The following TRHDE variants were observed in gnomAD, a reference collection of about 807,000 sequenced individuals.
The protein encoded by TRHDE is thyrotropin-releasing hormone-degrading ectoenzyme.
A neutral mutation model predicts 125.7 loss-of-function variants in TRHDE; 72 were observed. That is an observed-to-expected ratio of 0.57 (90% CI 0.47 to 0.70). The LOEUF is 0.70. Among genes scored for constraint, TRHDE ranks in the 30% least tolerant of loss-of-function variants. The pLI is 0.00. For synonymous variants in TRHDE, 509 were observed against 509.1 expected, an observed-to-expected ratio of 1.00 and a Z score of 0.00; for missense variants, 1,110 against 1,327.1, an observed-to-expected ratio of 0.84 and a Z score of 2.54.
chr12:72,604,718 T>G (rs1872359076), intron 12 of TRHDE, among the ~76,000 whole-genome samples: 2 of 152,104 alleles, frequency 1.3e-5, no homozygotes, highest in Non-Finnish European at 2.9e-5. Context: ...ACTAGCACTT[T>G]TCTGCTGTTA....
At chr12:72,132,228 CTG>C (rs1281792282) in intron 2 of TRHDE, among the ~76,000 whole-genome samples, 2 of 152,078 alleles carry the variant, frequency 1.3e-5, no homozygotes, top group African/African-American at 4.8e-5. Flanking sequence ...CTGCTGGAGA[CTG>C]TGAGGCTAGC....
intron 5 of TRHDE, among the ~76,000 whole-genome samples, chr12:72,496,988 A>G (rs975099059): frequency 3.3e-5 from 5 of 151,946 alleles, no homozygotes; most frequent in African/African-American, 1.2e-4. Context: ...TTCCTCCTCA[A>G]TTTAAGGTAT....
intron 12 of TRHDE, among the ~76,000 whole-genome samples, chr12:72,576,353 T>C (rs1870994474): frequency 6.6e-6 from 1 of 152,162 alleles, no homozygotes; most frequent in Admixed American, 6.6e-5. Flanking sequence ...GTAGTGCTGA[T>C]ATTAACACAT....
Position 72,272,382 on chromosome 12 carries a change from G to A in TRHDE, c.-262G>A. On this transcript the variant is annotated 5_prime_UTR_variant, in exon 1 of 19. Transcript: ENST00000261180. The surrounding 1 kb of genome is among the most constrained non-coding windows in gnomAD (Gnocchi z 6.7). ...CGGGTGCTCGTCCGAGAAGTAGCGC[G>A]CGCTGGGCAAGCAAGACGCTTTCCA... 2.6e-6 allele frequency: 1 copy of A among 383,550 alleles called. No homozygotes were observed. The highest frequency in any genetic ancestry group is 5.0e-6 in the Non-Finnish European group (1 of 198,924). 23.8% of individuals were successfully genotyped at this position (383,550 alleles called of 1,614,324 possible). A position where few individuals can be genotyped will look rare whatever the true frequency, so the allele number is the denominator to read the frequency against.
rs74103304 is a variant in TRHDE, at chr12:72,399,852, A to G, written c.1315+21731A>G. ...AATGATAAATGACTGACAGATTTCTAGATTCTTTATTGCCTCTGTATCTCA... is the reference window on the plus strand; with the variant it reads ...AATGATAAATGACTGACAGATTTCTGGATTCTTTATTGCCTCTGTATCTCA... On this transcript the variant is annotated intron_variant, in intron 3 of 18. Coordinates refer to ENST00000261180, the MANE Select transcript of TRHDE (RefSeq NM_013381.3). 8.1e-3 allele frequency among the ~76,000 whole-genome samples: 1,231 copies of G among 152,274 alleles called. 22 individuals carry two copies. The highest frequency in any genetic ancestry group is 0.028 in the African/African-American group (1,158 of 41,574).
chr12:72,436,409 G>T (rs1038800397), intron 3 of TRHDE, among the ~76,000 whole-genome samples: 3 of 151,810 alleles, frequency 2.0e-5, no homozygotes, highest in African/African-American at 7.2e-5. Context: ...TTTTTAGACT[G>T]ATTTGATTAT....
intron 6 of TRHDE, among the ~76,000 whole-genome samples, chr12:72,518,678 T>A (rs1216834173): frequency 6.6e-6 from 1 of 152,074 alleles, no homozygotes; most frequent in Non-Finnish European, 1.5e-5. Flanking sequence ...GTGAATTTGA[T>A]CCTGTCATTA....
chr12:72,435,855 A>T (rs1212653589), intron 3 of TRHDE, among the ~76,000 whole-genome samples: 1 of 152,036 alleles, frequency 6.6e-6, no homozygotes, highest in Admixed American at 6.6e-5. Flanking sequence ...GTTCCCAAGG[A>T]CATAATTATG....
intron 3 of TRHDE, among the ~76,000 whole-genome samples, chr12:72,433,621 A>G (rs1874597779): frequency 6.6e-6 from 1 of 152,180 alleles, no homozygotes; most frequent in African/African-American, 2.4e-5. Context: ...TATATCCAGA[A>G]TGGCAGCATG....
chr12:72,640,635 T>C (rs1287981539), intron 15 of TRHDE, among the ~76,000 whole-genome samples: 1 of 152,068 alleles, frequency 6.6e-6, no homozygotes, highest in Non-Finnish European at 1.5e-5. Flanking sequence ...GAGTTCGATC[T>C]AAGTCTTAAA....
chr12:72,502,122 G>T (rs1311903499), intron 6 of TRHDE, among the ~76,000 whole-genome samples: 3 of 151,848 alleles, frequency 2.0e-5, no homozygotes, highest in Admixed American at 1.3e-4. Flanking sequence ...AGCATCCTTT[G>T]TTGTAATTGA....
At chr12:72,519,944 A>T (rs565956080) in intron 6 of TRHDE, among the ~76,000 whole-genome samples, 11 of 152,160 alleles carry the variant, frequency 7.2e-5, no homozygotes, top group African/African-American at 2.4e-4. Flanking sequence ...CCTCCCAGTG[A>T]GGCTGTTTGG....
chr12:72,630,472 G>T (rs1170567475), intron 15 of TRHDE, among the ~76,000 whole-genome samples: 2 of 151,692 alleles, frequency 1.3e-5, no homozygotes, highest in Non-Finnish European at 2.9e-5. Flanking sequence ...TCTGCTCTCA[G>T]ACCAGCGAGA....
At chr12:72,176,315 G>A (rs556110453) in intron 2 of TRHDE, among the ~76,000 whole-genome samples, 6 of 152,268 alleles carry the variant, frequency 3.9e-5, no homozygotes, top group African/African-American at 1.2e-4. Context: ...AGGTTGCAGC[G>A]AGCCAAGATC....
At chr12:72,187,506 T>TGGTGGGGGAGGA (rs1233283631) in intron 2 of TRHDE, among the ~76,000 whole-genome samples, 1 of 132,296 alleles carries the variant, frequency 7.6e-6, no homozygotes, top group Admixed American at 7.4e-5. Context: ...GTGGTGGTGG[T>TGGTGGGGGAGGA]GGAGGAGGAG....
intron 6 of TRHDE, among the ~76,000 whole-genome samples, chr12:72,521,740 A>G (rs1868256050): frequency 6.6e-6 from 1 of 152,218 alleles, no homozygotes; most frequent in South Asian, 2.1e-4. Context: ...TTTTAAGATG[A>G]AATGTGCAAA....
chr12:72,255,633 G>A (rs987300586), intron 2 of TRHDE: 5 of 152,254 alleles, frequency 3.3e-5, no homozygotes, highest in Admixed American at 2.0e-4. Flanking sequence ...AACAATCCCC[G>A]GGCTGTTCCG....
intron 1 of TRHDE, among the ~76,000 whole-genome samples, chr12:72,094,872 A>C (rs1435492526): frequency 1.3e-5 from 2 of 152,176 alleles, no homozygotes; most frequent in African/African-American, 4.8e-5. Context: ...GTTCCGCCAG[A>C]CTTTCACAAC....
Position 72,575,540 on chromosome 12 carries a change from C to G in TRHDE, c.2319C>G (p.Ala773=), listed in dbSNP as rs1870952056. 6.2e-7 allele frequency: 1 copy of G among 1,613,458 alleles called. No individual in the cohort carries two copies. Among genetic ancestry groups the G allele is most frequent in the African/African-American group, 1.3e-5 (1 of 74,888 alleles). ...TGATCGATGATGCCTTCAGCCTAGC[C>G]AGGTATGTTTTCCTGTGGATCTCCC... The part of the protein sequence containing the change: ...AGLIDDAFSL[A]RAGYLPQNIP... Residue 773 remains alanine, a splice_region_variant and synonymous_variant, in exon 12 of 19, where the codon GCC becomes GCG. Transcript: ENST00000261180.
Sources: gnomAD v4.1 joint callset for allele counts (sites outside exome capture counted in the v4.1 genomes callset) on GRCh38, gnomAD v4.1.1 for gene constraint, Gnocchi (gnomAD v3.1) non-coding constraint, MANE v1.5 for transcripts, NCBI Gene and HGNC (gene_info 2026-07-23, HGNC 2026-07-21) for gene names.